XPR1: variants seen among roughly 807,000 people sequenced by gnomAD.
XPR1 encodes the protein xenotropic and polytropic retrovirus receptor 1.
A neutral mutation model predicts 87.5 loss-of-function variants in XPR1; 28 were observed. That is an observed-to-expected ratio of 0.32 (90% confidence interval 0.24 to 0.44). XPR1 has a LOEUF of 0.44. Ranked by LOEUF, XPR1 falls within the 20% of genes least tolerant of loss-of-function variation. XPR1 has a pLI of 1.00. For missense variants in XPR1, 559 were observed against 862.3 expected, an observed-to-expected ratio of 0.65 and a Z score of 4.41; for synonymous variants, 300 against 306.1, an observed-to-expected ratio of 0.98 and a Z score of 0.21.
intron 1 of XPR1, among the ~76,000 whole-genome samples, chr1:180,676,477 G>A (rs1553235176): frequency 6.6e-6 from 1 of 151,784 alleles, no homozygotes; most frequent in East Asian, 1.9e-4. Context: ...TACTTTTTTT[G>A]TTTTTAACTT....
intron 11 of XPR1, among the ~76,000 whole-genome samples, chr1:180,847,326 A>G (rs1202372441): frequency 6.6e-6 from 1 of 152,198 alleles, no homozygotes; most frequent in Admixed American, 6.5e-5. Context: ...AGTATTTCTT[A>G]CCTAAAGAGC....
At chr1:180,837,318 C>A (rs1003246261) in intron 11 of XPR1, among the ~76,000 whole-genome samples, 2 of 152,200 alleles carry the variant, frequency 1.3e-5, no homozygotes, top group Non-Finnish European at 2.9e-5. Context: ...ATCTCACTTC[C>A]TTTTAGTAAA....
chr1:180,816,227 G>A (rs943759046), intron 7 of XPR1, among the ~76,000 whole-genome samples: 1 of 152,198 alleles, frequency 6.6e-6, no homozygotes, highest in Non-Finnish European at 1.5e-5. Context: ...TTCCACCTCC[G>A]ATCATCAGGC....
chr1:180,828,821 T>C (rs992078137), intron 9 of XPR1, among the ~76,000 whole-genome samples: 1 of 151,210 alleles, frequency 6.6e-6, no homozygotes, highest in Non-Finnish European at 1.5e-5. Context: ...TCTTAAACAC[T>C]AACATTTAAC....
intron 2 of XPR1, among the ~76,000 whole-genome samples, chr1:180,759,068 T>C (rs897625780): frequency 2.0e-5 from 3 of 151,962 alleles, no homozygotes; most frequent in African/African-American, 7.3e-5. Context: ...TTGAAACCAA[T>C]GAGAACAAAG....
chr1:180,696,384 T>C (rs1228523249), intron 2 of XPR1, among the ~76,000 whole-genome samples: 2 of 152,042 alleles, frequency 1.3e-5, no homozygotes, highest in Admixed American at 6.6e-5. Flanking sequence ...GTTAGGTTTT[T>C]CTATATCTAA....
intron 11 of XPR1, among the ~76,000 whole-genome samples, chr1:180,858,639 C>A (rs991835932): frequency 1.2e-4 from 19 of 152,200 alleles, no homozygotes; most frequent in Non-Finnish European, 1.8e-4. Context: ...TGTGAATTTT[C>A]TGTAACCACA....
chr1:180,637,553 ATTC>A (rs1464244183), intron 1 of XPR1, among the ~76,000 whole-genome samples: 5 of 152,022 alleles, frequency 3.3e-5, no homozygotes, highest in Non-Finnish European at 7.4e-5. Context: ...TATTAAGCTA[ATTC>A]TTTTTTCTTT....
chr1:180,833,041 A>G (rs1651130043), intron 9 of XPR1, among the ~76,000 whole-genome samples: 1 of 152,188 alleles, frequency 6.6e-6, no homozygotes, highest in African/African-American at 2.4e-5. Flanking sequence ...TTCCTTGAGC[A>G]GTGGTTCGTA....
intron 2 of XPR1, among the ~76,000 whole-genome samples, chr1:180,682,674 A>G (rs1656617824): frequency 6.6e-6 from 1 of 151,904 alleles, no homozygotes; most frequent in Admixed American, 6.6e-5. Flanking sequence ...GTTTAGTCAG[A>G]AGTTTTTCTG....
chr1:180,714,349 T>TTTCTCTCTCTC lies in XPR1; in HGVS notation c.121+31939_121+31940insTCTCTCTCTCT, dbSNP rs1393530457. 2.1e-4 allele frequency among the ~76,000 whole-genome samples: 15 copies of TTTCTCTCTCTC among 72,148 alleles called. 1 individual carries two copies. Among genetic ancestry groups the TTTCTCTCTCTC allele is most frequent in the African/African-American group, 7.7e-4 (14 of 18,246 alleles). The allele number at this position is 72,148 out of a possible 152,430, so 47.3% of individuals were successfully genotyped here. ...ATTTTTCTCTCATATTTTTTCCCTG[T>TTTCTCTCTCTC]TCTCTCTCTCTCTCTCTCTCTCTCT... On this transcript the variant is annotated intron_variant, in intron 2 of 14. Transcript: ENST00000367590.
chr1:180,750,826 G>T (rs1010318532), intron 2 of XPR1, among the ~76,000 whole-genome samples: 1 of 152,002 alleles, frequency 6.6e-6, no homozygotes, highest in Non-Finnish European at 1.5e-5. Flanking sequence ...AGATTATTTT[G>T]TAGAAATTGA....
intron 11 of XPR1, among the ~76,000 whole-genome samples, chr1:180,862,680 CTTA>C (rs1287954784): frequency 6.6e-6 from 1 of 151,166 alleles, no homozygotes; most frequent in African/African-American, 2.5e-5. Flanking sequence ...TCATACTGTA[CTTA>C]TTAACACATT....
chr1:180,650,910 AAT>A, intron 1 of XPR1, among the ~76,000 whole-genome samples: 1 of 152,284 alleles, frequency 6.6e-6, no homozygotes, highest in East Asian at 1.9e-4. Flanking sequence ...TGGCCTGTAG[AAT>A]ATGTTTTCTG....
chr1:180,685,438 TA>T (rs1557956351), intron 2 of XPR1, among the ~76,000 whole-genome samples: 1 of 152,202 alleles, frequency 6.6e-6, no homozygotes, highest in Non-Finnish European at 1.5e-5. Flanking sequence ...GATATTGGTC[TA>T]AAATTCTCTT....
At chr1:180,757,869 T>TAA (rs35162664) in intron 2 of XPR1, among the ~76,000 whole-genome samples, 1,327 of 40,102 alleles carry the variant, frequency 0.033, 65 homozygotes, top group African/African-American at 0.056. Flanking sequence ...GTTGAAAATG[T>TAA]AAAAAAAAAA....
At chr1:180,749,396 T>G (rs552017669) in intron 2 of XPR1, among the ~76,000 whole-genome samples, 1 of 152,324 alleles carries the variant, frequency 6.6e-6, no homozygotes, top group Admixed American at 6.5e-5. Context: ...TATATCTTTG[T>G]TGTTTCACTT....
intron 2 of XPR1, among the ~76,000 whole-genome samples, chr1:180,703,208 C>T (rs202008353): frequency 6.6e-6 from 1 of 152,064 alleles, no homozygotes; most frequent in African/African-American, 2.4e-5. Context: ...GACATGTCCC[C>T]AAGCCACTGG....
At chr1:180,762,372 T>G (rs1267707008) in intron 2 of XPR1, among the ~76,000 whole-genome samples, 1 of 152,204 alleles carries the variant, frequency 6.6e-6, no homozygotes, top group East Asian at 1.9e-4. Context: ...GTTGAAGTTC[T>G]GTGGTGAACG....
Sources: gnomAD v4.1 joint callset for allele counts (sites outside exome capture counted in the v4.1 genomes callset) on GRCh38, gnomAD v4.1.1 for gene constraint, MANE v1.5 for transcripts, NCBI Gene and HGNC (gene_info 2026-07-23, HGNC 2026-07-21) for gene names.